The following CNTNAP4 variants were observed in gnomAD, a reference collection of about 807,000 sequenced individuals.
The protein encoded by CNTNAP4 is contactin associated protein family member 4, also known as contactin-associated protein-like 4.
In CNTNAP4, 98 loss-of-function variants were observed where a neutral mutation model predicts 148.4. That is an observed-to-expected ratio of 0.66 (90% confidence interval 0.56 to 0.78). CNTNAP4 has a LOEUF of 0.78. Among genes scored for constraint, CNTNAP4 ranks in the 30% least tolerant of loss-of-function variants. The pLI is 0.00. For missense variants in CNTNAP4, 1,935 were observed against 1,565.6 expected (o/e 1.24, Z -3.98); for synonymous variants, 730 against 565.1 (o/e 1.29, Z -4.14).
chr16:76,526,920 C>T (rs2083758378), intron 17 of CNTNAP4, among the ~76,000 whole-genome samples: 1 of 152,094 alleles, frequency 6.6e-6, no homozygotes, highest in Admixed American at 6.5e-5. Context: ...GGGCTCCACC[C>T]CCCTCAGCCT....
chr16:76,343,640 G>GTTA (rs1964668704), intron 2 of CNTNAP4, among the ~76,000 whole-genome samples: 1 of 152,076 alleles, frequency 6.6e-6, no homozygotes, highest in Non-Finnish European at 1.5e-5. Flanking sequence ...GCCTAGATTG[G>GTTA]AAAAATCACC....
Position 76,518,864 on chromosome 16 carries a change from T to C in CNTNAP4, c.2366-2276T>C, listed in dbSNP as rs1251844385. On this transcript the variant is annotated intron_variant, in intron 15 of 23. Transcript: ENST00000611870. ...CCTCTTTTCCCCCTCCGCCATTTCC[T>C]GCCTCTGGTTACTATCATTCTCCTC... Among the ~76,000 whole-genome samples the C allele has an allele frequency of 2.0e-5, 3 of 152,184 alleles. No individual in the cohort carries two copies. In the East Asian group the frequency reaches 5.8e-4, roughly 29 times the overall value.
At chr16:76,480,989 T>A (rs1167974180) in intron 12 of CNTNAP4, among the ~76,000 whole-genome samples, 3 of 152,300 alleles carry the variant, frequency 2.0e-5, no homozygotes, top group African/African-American at 7.2e-5. Flanking sequence ...CTACTGGATA[T>A]AGGCATTATA....
intron 3 of CNTNAP4, among the ~76,000 whole-genome samples, chr16:76,393,334 A>C (rs1597403336): frequency 6.6e-6 from 1 of 152,186 alleles, no homozygotes; most frequent in African/African-American, 2.4e-5. Context: ...GGGGTCAACA[A>C]ATCCTCCCTA....
chr16:76,518,338 G>A (rs906726650), intron 15 of CNTNAP4, among the ~76,000 whole-genome samples: 1 of 151,990 alleles, frequency 6.6e-6, no homozygotes, highest in Non-Finnish European at 1.5e-5. Flanking sequence ...ATGTTGTTCA[G>A]ACTGGTCTCG....
chr16:76,494,721 T>G (rs925445387), intron 13 of CNTNAP4, among the ~76,000 whole-genome samples, 189 bp from the exon 14 acceptor site: 2 of 152,168 alleles, frequency 1.3e-5, no homozygotes, highest in Non-Finnish European at 2.9e-5. Flanking sequence ...AATAATAACT[T>G]TTTTATAAAA....
chr16:76,378,265 C>T (rs1488869135), intron 3 of CNTNAP4, among the ~76,000 whole-genome samples: 2 of 152,070 alleles, frequency 1.3e-5, no homozygotes, highest in Non-Finnish European at 2.9e-5. Context: ...TTCAGTTATA[C>T]TCCCTAAATC....
rs2085382326 is a variant in CNTNAP4, at chr16:76,560,732, T to A, written c.*2049T>A. 6.6e-6 allele frequency among the ~76,000 whole-genome samples: 1 copy of A among 152,190 alleles called. No individual in the cohort carries two copies. The highest frequency in any genetic ancestry group is 6.5e-5 in the Admixed American group (1 of 15,278). On this transcript the variant is annotated 3_prime_UTR_variant, in exon 24 of 24. Coordinates refer to ENST00000611870, the MANE Select transcript of CNTNAP4 (RefSeq NM_033401.5). ...GATTTGTAATCTCTTATTTTATCATTAATAAAATGCATTTTTGAACTAAAA... is the reference window on the plus strand; with the variant it reads ...GATTTGTAATCTCTTATTTTATCATAAATAAAATGCATTTTTGAACTAAAA...
At chr16:76,493,318 A>G (rs535516908) in intron 13 of CNTNAP4, among the ~76,000 whole-genome samples, 5 of 152,284 alleles carry the variant, frequency 3.3e-5, no homozygotes, top group South Asian at 2.1e-4. Context: ...GCTGCTGAGG[A>G]TCTGTGACTC....
At chr16:76,289,542 T>TA (rs1555514282) in intron 1 of CNTNAP4, among the ~76,000 whole-genome samples, 1 of 151,326 alleles carries the variant, frequency 6.6e-6, no homozygotes, top group Non-Finnish European at 1.5e-5. Context: ...TTTTTTTTTT[T>TA]ACCAGCATTA....
chr16:76,473,731 G>C (rs10871324), intron 10 of CNTNAP4, among the ~76,000 whole-genome samples: 4 of 151,836 alleles, frequency 2.6e-5, no homozygotes, highest in Non-Finnish European at 5.9e-5. Flanking sequence ...CCAAGATCGC[G>C]CCACTGCACT....
chr16:76,440,148 C>G lies in CNTNAP4; in HGVS notation c.539-7864C>G, dbSNP rs182196129. ...GAAGAGTTTGGTCTATACCCCTTTC[C>G]AGTTGATGAAATAGCTATATATTTT... On this transcript the variant is annotated intron_variant, in intron 4 of 23. Coordinates refer to ENST00000611870, the MANE Select transcript of CNTNAP4 (RefSeq NM_033401.5). 1.7e-4 allele frequency among the ~76,000 whole-genome samples: 26 copies of G among 152,154 alleles called. 1 individual carries two copies. Among genetic ancestry groups the G allele is most frequent in the Admixed American group, 1.6e-3 (24 of 15,260 alleles).
chr16:76,421,389 ATTTC>A lies in CNTNAP4; in HGVS notation c.391-6059_391-6056del, dbSNP rs1568099881. On this transcript the variant is annotated intron_variant, in intron 3 of 23. Transcript: ENST00000611870. The stretch of plus-strand genomic sequence containing the variant: ...ATTTGATTAGTGGATTCTCATTGCT[ATTTC>A]TTTATTATAATAAATGAATTTTACA... Among the ~76,000 whole-genome samples the A allele has an allele frequency of 3.3e-5, 5 of 152,002 alleles. No homozygotes were observed. In the South Asian group the frequency reaches 6.2e-4, roughly 19 times the overall value.
intron 3 of CNTNAP4, among the ~76,000 whole-genome samples, chr16:76,386,679 A>G (rs1299383024): frequency 2.0e-5 from 3 of 152,182 alleles, no homozygotes; most frequent in Non-Finnish European, 4.4e-5. Flanking sequence ...CACCATGGTG[A>G]GTAGAATGGC....
chr16:76,290,423 C>T (rs144357913), intron 1 of CNTNAP4, among the ~76,000 whole-genome samples: 5 of 152,278 alleles, frequency 3.3e-5, no homozygotes, highest in Admixed American at 1.3e-4. Flanking sequence ...TTCCAAGGAT[C>T]TGTCACTTTC....
chr16:76,530,434 C>T (rs2083928825), intron 17 of CNTNAP4, among the ~76,000 whole-genome samples: 1 of 152,090 alleles, frequency 6.6e-6, no homozygotes. Flanking sequence ...TAAATCTTAG[C>T]GATCATTGAC....
intron 3 of CNTNAP4, among the ~76,000 whole-genome samples, chr16:76,391,878 G>C (rs1402818381): frequency 6.6e-6 from 1 of 152,176 alleles, no homozygotes; most frequent in African/African-American, 2.4e-5. Context: ...GGTAATTCAC[G>C]TGCACACCCA....
intron 18 of CNTNAP4, among the ~76,000 whole-genome samples, chr16:76,537,274 A>G (rs2084251727): frequency 6.6e-6 from 1 of 152,204 alleles, no homozygotes; most frequent in South Asian, 2.1e-4. Flanking sequence ...AACAATTAAA[A>G]ACTCTAAGAT....
intron 2 of CNTNAP4, among the ~76,000 whole-genome samples, chr16:76,353,705 T>G (rs1337350627): frequency 6.6e-6 from 1 of 152,122 alleles, no homozygotes; most frequent in Non-Finnish European, 1.5e-5. Context: ...TTTACCCTTA[T>G]GCTGTCCTCT....
Sources: allele counts gnomAD v4.1 joint callset (sites outside exome capture counted in the v4.1 genomes callset), GRCh38; gene constraint gnomAD v4.1.1; transcripts MANE v1.5; gene names NCBI Gene and HGNC (gene_info 2026-07-23, HGNC 2026-07-21).